Variants in CUX1 observed in about 807,000 individuals in gnomAD.
CUX1 encodes protein CASP.
Under a neutral mutation model 158.8 loss-of-function variants are expected in CUX1, and 31 were observed. The observed-to-expected ratio is 0.20, with a 90% CI of 0.15 to 0.26. The LOEUF (loss-of-function observed/expected upper bound fraction) is 0.26. CUX1 is among the 10% of genes least tolerant of loss of function. CUX1 has a pLI of 1.00. For missense variants in CUX1, 1,589 were observed against 2,014.6 expected (o/e 0.79, Z 4.04); for synonymous variants, 879 against 862.1 (o/e 1.02, Z -0.34).
At chr7:101,875,443 A>G (rs1799030522) in intron 1 of CUX1, among the ~76,000 whole-genome samples, 2 of 152,226 alleles carry the variant, frequency 1.3e-5, no homozygotes, top group Admixed American at 1.3e-4. Context: ...ATGGTGTTTA[A>G]TTGCTGTTAG....
At chr7:102,204,662 C>A in intron 19 of CUX1, 106 bp downstream of exon 19, 1 of 1,424,522 alleles carries the variant, frequency 7.0e-7, no homozygotes. Flanking sequence ...AACTCCGCCC[C>A]AGGAGGTGGC....
intron 3 of CUX1, among the ~76,000 whole-genome samples, chr7:102,055,039 A>G (rs980826106): frequency 3.3e-5 from 5 of 151,742 alleles, no homozygotes; most frequent in Admixed American, 6.6e-5. Context: ...CTTCGTGACT[A>G]TTGCCATCTT....
chr7:101,846,214 T>C lies in CUX1; in HGVS notation c.30+28545T>C, dbSNP rs369573084. ...AGTGACTCCTCCCTTATCTTCCAAG[T>C]TGAGCTCTCCCAGCATAGATGGCCC... On this transcript the variant is annotated intron_variant, in intron 1 of 23. Coordinates refer to ENST00000292535, the MANE Select transcript of CUX1 (RefSeq NM_181552.4). Among the ~76,000 whole-genome samples the C allele has an allele frequency of 5.9e-5, 9 of 152,370 alleles. No individual in the cohort carries two copies. The East Asian group carries it at 1.5e-3, about 26-fold the overall frequency.
intron 20 of CUX1, among the ~76,000 whole-genome samples, chr7:102,217,313 T>TA (rs1797328133): frequency 6.6e-6 from 1 of 152,254 alleles, no homozygotes; most frequent in African/African-American, 2.4e-5. Flanking sequence ...TTATAAAAGA[T>TA]ACACAAGCCA....
chr7:101,834,665 C>T (rs557923416), intron 1 of CUX1, among the ~76,000 whole-genome samples: 40 of 152,154 alleles, frequency 2.6e-4, no homozygotes, highest in African/African-American at 8.4e-4. Flanking sequence ...ACCTCCGTCC[C>T]GTAACTTTTT....
chr7:101,921,752 C>T (rs1004057753), intron 2 of CUX1, among the ~76,000 whole-genome samples: 26 of 152,144 alleles, frequency 1.7e-4, no homozygotes, highest in Admixed American at 1.2e-3. Context: ...TCACCACACC[C>T]GGCCTTAGCT....
At chr7:101,833,853 C>A (rs964321866) in intron 1 of CUX1, among the ~76,000 whole-genome samples, 1 of 152,120 alleles carries the variant, frequency 6.6e-6, no homozygotes, top group Non-Finnish European at 1.5e-5. Flanking sequence ...AAGAAATCTT[C>A]ACTGCAATTT....
intron 9 of CUX1, among the ~76,000 whole-genome samples, chr7:102,169,591 G>A (rs2268031): frequency 0.065 from 9,941 of 152,266 alleles, 447 homozygotes; most frequent in African/African-American, 0.12. Flanking sequence ...GCTAGGGACC[G>A]TGTTCCCATT....
At chr7:101,868,685 C>T (rs187616014) in intron 1 of CUX1, among the ~76,000 whole-genome samples, 1 of 152,298 alleles carries the variant, frequency 6.6e-6, no homozygotes, top group Non-Finnish European at 1.5e-5. Flanking sequence ...AAGTTAAATA[C>T]CATCAGCCGC....
intron 1 of CUX1, among the ~76,000 whole-genome samples, chr7:101,870,592 A>G (rs1292198954): frequency 1.3e-5 from 2 of 152,174 alleles, no homozygotes; most frequent in Non-Finnish European, 1.5e-5. Flanking sequence ...ACTCTTGTCT[A>G]GAAATTAATG....
At chr7:102,262,686 T>TG (rs1554544159), downstream of CUX1, among the ~76,000 whole-genome samples, 2 of 152,070 alleles carry the variant, frequency 1.3e-5, no homozygotes, top group African/African-American at 4.8e-5. Flanking sequence ...CCGTGGTAGA[T>TG]GCTTACATCA....
At chr7:101,833,354 G>A (rs1455911462) in intron 1 of CUX1, among the ~76,000 whole-genome samples, 1 of 151,162 alleles carries the variant, frequency 6.6e-6, no homozygotes, top group East Asian at 1.9e-4. Context: ...TTCAAGACCA[G>A]CATGGGCAAC....
intron 4 of CUX1, among the ~76,000 whole-genome samples, chr7:102,073,415 C>T (rs1011049866): frequency 1.2e-4 from 18 of 151,996 alleles, no homozygotes; most frequent in Admixed American, 3.3e-4. Flanking sequence ...TCAGGTGATC[C>T]GCCTGCCTCA....
chr7:101,881,467 C>T (rs1288874914), intron 1 of CUX1, among the ~76,000 whole-genome samples: 1 of 152,206 alleles, frequency 6.6e-6, no homozygotes, highest in African/African-American at 2.4e-5. Flanking sequence ...CTGACTACCT[C>T]CCTTGATTCC....
At chr7:102,218,591 G>A (rs1481791968) in intron 20 of CUX1, among the ~76,000 whole-genome samples, 1 of 152,024 alleles carries the variant, frequency 6.6e-6, no homozygotes, top group Non-Finnish European at 1.5e-5. Flanking sequence ...AGGAGGCTGG[G>A]GCAGAGGGAT....
At chr7:102,196,604 A>G (rs2131979470) in intron 14 of CUX1, 30 bp from the exon 15 acceptor site, 1 of 1,501,794 alleles carries the variant, frequency 6.7e-7, no homozygotes, top group Middle Eastern at 1.8e-4. Context: ...GGAATCCCCC[A>G]TAATGCATTC....
At chr7:102,199,935 C>A in intron 16 of CUX1, 136 bp from the exon 17 acceptor site, 1 of 620,994 alleles carries the variant, frequency 1.6e-6, no homozygotes. Context: ...CAAACACAGG[C>A]CACTGGGAGG....
At chr7:102,237,202 T>C (rs1364979277) in intron 22 of CUX1, among the ~76,000 whole-genome samples, 1 of 152,236 alleles carries the variant, frequency 6.6e-6, no homozygotes, top group Non-Finnish European at 1.5e-5. Context: ...AATGGCAAGT[T>C]AATTAAGGAA....
At chr7:102,026,752 G>A (rs890103721) in intron 2 of CUX1, among the ~76,000 whole-genome samples, 1 of 148,898 alleles carries the variant, frequency 6.7e-6, no homozygotes, top group Non-Finnish European at 1.5e-5. Context: ...CCTGGGAGGT[G>A]TAGGTTGCAG....
Sources: allele counts gnomAD v4.1 joint callset (sites outside exome capture counted in the v4.1 genomes callset), GRCh38; gene constraint gnomAD v4.1.1; transcripts MANE v1.5; gene names NCBI Gene and HGNC (gene_info 2026-07-23, HGNC 2026-07-21).